NSRP1: variants seen among roughly 807,000 people sequenced by gnomAD.
NSRP1 encodes nuclear speckle splicing regulatory protein 1.
In NSRP1, 24 loss-of-function variants were observed where a neutral mutation model predicts 54.7. That is an observed-to-expected ratio of 0.44 (90% CI 0.32 to 0.62). The LOEUF is 0.62. Among genes scored for constraint, NSRP1 ranks in the 20% least tolerant of loss-of-function variants. The pLI is 0.06. For synonymous variants in NSRP1, 210 were observed against 213.8 expected, an observed-to-expected ratio of 0.98 and a Z score of 0.15; for missense variants, 596 against 651.2, an observed-to-expected ratio of 0.92 and a Z score of 0.92.
intron 6 of NSRP1, 110 bp downstream of exon 6, chr17:30,181,126 G>A: frequency 1.4e-6 from 1 of 733,648 alleles, no homozygotes; most frequent in Non-Finnish European, 2.4e-6. Context: ...TGCATATTGT[G>A]TTGTCAGCCA....
intron 2 of NSRP1, chr17:30,122,349 T>TGTGTGTATG (rs1481107161): frequency 1.4e-5 from 1 of 72,316 alleles, no homozygotes; most frequent in African/African-American, 5.7e-5. Flanking sequence ...ATAACTCTGG[T>TGTGTGTATG]TTCATATATA....
At chr17:30,183,320 G>A (rs567575232) in intron 6 of NSRP1, among the ~76,000 whole-genome samples, 3 of 152,104 alleles carry the variant, frequency 2.0e-5, no homozygotes, top group Admixed American at 6.5e-5. Context: ...GGTGAGGAGA[G>A]GAAGTTTATG....
In NSRP1 at chr17:30,174,660, T is replaced by A. The variant is rs140657328; in HGVS notation, c.171+2062T>A. The stretch of plus-strand genomic sequence containing the variant: ...TTGCTAATCTAAGGAAATTATTTTC[T>A]TAGTTGGAGGGTTTTGTTGTTTGTT... On this transcript the variant is annotated intron_variant, in intron 3 of 6. Coordinates refer to ENST00000247026, the MANE Select transcript of NSRP1 (RefSeq NM_032141.4). Among the ~76,000 whole-genome samples the A allele has an allele frequency of 3.1e-3, 473 of 152,296 alleles. 3 individuals are homozygous for A. Among genetic ancestry groups the A allele is most frequent in the Middle Eastern group, 0.02 (6 of 294 alleles).
chr17:30,180,726 G>T (rs1905264134), intron 5 of NSRP1, among the ~76,000 whole-genome samples, 182 bp from the exon 6 acceptor site: 2 of 152,096 alleles, frequency 1.3e-5, no homozygotes, highest in Non-Finnish European at 2.9e-5. Context: ...AAATGAACAG[G>T]GCTTTGTTTC....
At chr17:30,176,818 A>AT (rs1209989970) in intron 3 of NSRP1, among the ~76,000 whole-genome samples, 2 of 152,192 alleles carry the variant, frequency 1.3e-5, no homozygotes, top group East Asian at 3.8e-4. Context: ...ATTTCTTAAT[A>AT]TTTTAAACAA....
At chr17:30,124,709 G>T (rs2071635192) in intron 2 of NSRP1, among the ~76,000 whole-genome samples, 1 of 152,220 alleles carries the variant, frequency 6.6e-6, no homozygotes, top group African/African-American at 2.4e-5. Flanking sequence ...AAACATTTGG[G>T]AGATTCAGTC....
At chr17:30,177,713 GATA>G (rs1456184313) in intron 3 of NSRP1, among the ~76,000 whole-genome samples, 11 of 152,256 alleles carry the variant, frequency 7.2e-5, no homozygotes, top group African/African-American at 2.6e-4. Flanking sequence ...ATGAATAAAT[GATA>G]ATAATAGTTG....
chr17:30,136,017 A>G (rs1196448580), intron 2 of NSRP1, among the ~76,000 whole-genome samples: 1 of 151,808 alleles, frequency 6.6e-6, no homozygotes, highest in Non-Finnish European at 1.5e-5. Context: ...GTTTGAGACC[A>G]TCCTGGCCAA....
intron 2 of NSRP1, among the ~76,000 whole-genome samples, chr17:30,147,677 A>G (rs988058944): frequency 4.7e-5 from 7 of 150,288 alleles, no homozygotes; most frequent in African/African-American, 1.5e-4. Context: ...GTTAGCCATG[A>G]TGGTCTCAAT....
chr17:30,184,064 T>C (rs1453399888), intron 6 of NSRP1, among the ~76,000 whole-genome samples: 1 of 152,120 alleles, frequency 6.6e-6, no homozygotes, highest in African/African-American at 2.4e-5. Context: ...TAGCTGGGCA[T>C]GGTGGTGCAG....
chr17:30,176,631 G>C (rs1374938701), intron 3 of NSRP1, among the ~76,000 whole-genome samples: 1 of 124,384 alleles, frequency 8.0e-6, no homozygotes, highest in African/African-American at 2.9e-5. Context: ...AAAAAAAACA[G>C]CCCTCAGTCT....
chr17:30,146,110 A>G (rs1410332290), intron 2 of NSRP1, among the ~76,000 whole-genome samples: 4 of 152,066 alleles, frequency 2.6e-5, no homozygotes, highest in East Asian at 1.9e-4. Context: ...TGGCCTTTCA[A>G]AGTGCTGGGA....
At chr17:30,168,831 GT>G (rs1275408088) in intron 2 of NSRP1, 10 of 151,730 alleles carry the variant, frequency 6.6e-5, no homozygotes, top group Non-Finnish European at 1.2e-4. Flanking sequence ...GCATTTAATC[GT>G]CATCCTTAGT....
chr17:30,182,758 T>C (rs931974255), intron 6 of NSRP1, among the ~76,000 whole-genome samples: 1 of 151,316 alleles, frequency 6.6e-6, no homozygotes, highest in Non-Finnish European at 1.5e-5. Context: ...CACGGTGAAA[T>C]CCCGTCTCTA....
chr17:30,139,197 G>A (rs545397398), intron 2 of NSRP1, among the ~76,000 whole-genome samples: 44 of 152,164 alleles, frequency 2.9e-4, no homozygotes, highest in African/African-American at 9.9e-4. Context: ...GATTACAGGC[G>A]TGAGCCACCG....
At chr17:30,117,169 G>T in intron 1 of NSRP1, 1 of 701,088 alleles carries the variant, frequency 1.4e-6, no homozygotes, top group African/African-American at 1.8e-5. Flanking sequence ...TTCCTAACCC[G>T]CGCTTGAGTT....
chr17:30,164,284 G>A (rs935413978), intron 2 of NSRP1, among the ~76,000 whole-genome samples: 1 of 152,076 alleles, frequency 6.6e-6, no homozygotes, highest in Non-Finnish European at 1.5e-5. Flanking sequence ...TAAAACATTT[G>A]GAAGGAGCTA....
chr17:30,175,661 C>T (rs1266938794), intron 3 of NSRP1, among the ~76,000 whole-genome samples: 2 of 152,040 alleles, frequency 1.3e-5, no homozygotes, highest in African/African-American at 4.8e-5. Context: ...CGTCTTCGCC[C>T]CCCAAAGTGT....
At chr17:30,150,517 G>C (rs902869694) in intron 2 of NSRP1, 1 of 151,644 alleles carries the variant, frequency 6.6e-6, no homozygotes, top group African/African-American at 2.4e-5. Context: ...CAAGTAGCTG[G>C]GACTATAGGC....
Sources: gnomAD v4.1 joint callset for allele counts (sites outside exome capture counted in the v4.1 genomes callset) on GRCh38, gnomAD v4.1.1 for gene constraint, MANE v1.5 for transcripts, NCBI Gene and HGNC (gene_info 2026-07-23, HGNC 2026-07-21) for gene names.